The following KCNQ2 variants were observed in gnomAD, a reference collection of about 807,000 sequenced individuals.
KCNQ2 encodes potassium voltage-gated channel subfamily Q member 2.
KCNQ2 carries 14 observed loss-of-function variants against 84.8 expected under a neutral mutation model. The ratio of observed to expected loss-of-function variants is 0.17; its 90% CI spans 0.11 to 0.26. The LOEUF (loss-of-function observed/expected upper bound fraction) is 0.26, where lower values mean the gene tolerates loss of function less well. KCNQ2 is among the 10% of genes least tolerant of loss of function. The probability of loss-of-function intolerance (pLI) is 1.00; values close to 1 mark genes in which losing one functional copy is unlikely to be tolerated. For missense variants in KCNQ2, 788 were observed against 1,254.0 expected, an observed-to-expected ratio of 0.63 and a Z score of 5.61; for synonymous variants, 599 against 554.1, an observed-to-expected ratio of 1.08 and a Z score of -1.14.
At chr20:63,424,034 G>A (rs2080553826) in intron 11 of KCNQ2, 143 bp downstream of exon 11, 2 of 869,608 alleles carry the variant, frequency 2.3e-6, no homozygotes, top group South Asian at 1.6e-5. Context: ...CCAGGCGGGG[G>A]TCTGGACCCG....
At chr20:63,432,828 T>TGGGAAGGCCCC (rs2080866394) in intron 8 of KCNQ2, among the ~76,000 whole-genome samples, 1 of 48,500 alleles carries the variant, frequency 2.1e-5, no homozygotes, top group Non-Finnish European at 5.7e-5. Flanking sequence ...CTCCACCCTC[T>TGGGAAGGCCCC]GGGAAGGCCC....
chr20:63,453,508 TTTTCTCTGAACTCTCAGCGGGG>T, intron 1 of KCNQ2, among the ~76,000 whole-genome samples: 1 of 151,998 alleles, frequency 6.6e-6, no homozygotes, highest in Non-Finnish European at 1.5e-5. Flanking sequence ...CCTAACGGGG[TTTTCTCTGAACTCTCAGCGGGG>T]TAGGAGCAGG....
intron 1 of KCNQ2, among the ~76,000 whole-genome samples, chr20:63,458,742 G>T (rs1323363319): frequency 1.8e-4 from 28 of 152,230 alleles, no homozygotes; most frequent in Admixed American, 1.8e-3. Flanking sequence ...CCAGGCAGGC[G>T]GCAGCCAAGA....
intron 1 of KCNQ2, among the ~76,000 whole-genome samples, chr20:63,468,115 C>T (rs1158873470): frequency 5.9e-5 from 9 of 152,300 alleles, no homozygotes; most frequent in African/African-American, 2.2e-4. Flanking sequence ...GGGCAGAAAT[C>T]CTGCGAGGAA....
At chr20:63,447,219 T>G (rs1052486906) in intron 1 of KCNQ2, among the ~76,000 whole-genome samples, 1 of 152,052 alleles carries the variant, frequency 6.6e-6, no homozygotes, top group African/African-American at 2.4e-5. Context: ...GCCCATCAAC[T>G]GCTACAAACA....
At chr20:63,442,975 CATCACCACCATT>C (rs2081258590) in intron 4 of KCNQ2, among the ~76,000 whole-genome samples, 2 of 61,814 alleles carry the variant, frequency 3.2e-5, no homozygotes, top group African/African-American at 1.3e-4. Context: ...CCACCACCAC[CATCACCACCATT>C]ACCATCACCA....
intron 4 of KCNQ2, among the ~76,000 whole-genome samples, 176 bp from the exon 5 acceptor site, chr20:63,442,707 TCACCACCACCACCAC>T (rs749330439): frequency 1.1e-4 from 4 of 35,378 alleles, no homozygotes; most frequent in Admixed American, 3.0e-4. Context: ...ACCATCACCA[TCACCACCACCACCAC>T]CATCATCACC....
chr20:63,465,911 G>A (rs6011842), intron 1 of KCNQ2, among the ~76,000 whole-genome samples: 1,747 of 152,310 alleles, frequency 0.011, 30 homozygotes, highest in African/African-American at 0.039. Context: ...GGCGCGTGTC[G>A]GTGCTGAGGC....
intron 14 of KCNQ2, 150 bp downstream of exon 14, chr20:63,413,938 G>C: frequency 3.0e-6 from 2 of 677,652 alleles, no homozygotes; most frequent in Non-Finnish European, 5.3e-6. Context: ...CATTCAGCCA[G>C]GTCCACCCGT....
chr20:63,469,523 C>T (rs2145907448), intron 1 of KCNQ2, among the ~76,000 whole-genome samples: 1 of 152,380 alleles, frequency 6.6e-6, no homozygotes, highest in Middle Eastern at 3.4e-3. Flanking sequence ...GGGCAGCAGC[C>T]ACCGCCCTCT....
rs1461393525 is a variant in KCNQ2, at chr20:63,437,961, C to T, written c.1023+664G>A. On this transcript the variant is annotated intron_variant, in intron 7 of 16. Coordinates refer to ENST00000359125, the MANE Select transcript of KCNQ2 (RefSeq NM_172107.4). ...AGTAGCTGGGATTACAGACGCACGC[C>T]ACCACGCCCAGCTAATTTTTGTATT... Among the ~76,000 whole-genome samples, 6 of 152,318 alleles carry T rather than the reference C, an allele frequency of 3.9e-5. No individual in the cohort carries two copies. In the East Asian group the frequency reaches 1.2e-3, roughly 29 times the overall value.
chr20:63,432,333 T>G (rs1395914572), intron 8 of KCNQ2, among the ~76,000 whole-genome samples: 1 of 95,456 alleles, frequency 1.0e-5, no homozygotes, highest in Non-Finnish European at 2.1e-5. Context: ...CTGGGAAGGC[T>G]CCACCCTCAG....
At chr20:63,415,158 A>C (rs58064005) in intron 12 of KCNQ2, 32 bp from the exon 13 acceptor site, 18 of 367,842 alleles carry the variant, frequency 4.9e-5, no homozygotes, top group Non-Finnish European at 5.8e-5. Context: ...GACAGACAGA[A>C]AAACAGGGAG....
intron 12 of KCNQ2, among the ~76,000 whole-genome samples, chr20:63,417,658 C>T (rs535253257): frequency 9.8e-5 from 15 of 152,380 alleles, no homozygotes; most frequent in Middle Eastern, 3.4e-3. Context: ...GCCACACAGA[C>T]GTGCGGGCCA....
chr20:63,438,596 G>T lies in KCNQ2; in HGVS notation c.1023+29C>A. 1 of 1,581,218 alleles carries T rather than the reference G, an allele frequency of 6.3e-7. No individual in the cohort carries two copies. On this transcript the variant is annotated intron_variant, in intron 7 of 16. Coordinates refer to ENST00000359125, the MANE Select transcript of KCNQ2 (RefSeq NM_172107.4). This position sits in a 1 kb window ranked among gnomAD's most constrained non-coding sequence, Gnocchi z 5.1. The stretch of plus-strand genomic sequence containing the variant: ...AAGGTGGGACCAGGACAAGGGCTGT[G>T]CTGGTCCCCGGGGGACACCTGGACT...
chr20:63,413,214 C>T, intron 15 of KCNQ2: 1 of 567,480 alleles, frequency 1.8e-6, no homozygotes, highest in South Asian at 2.0e-5. Flanking sequence ...GGGACCCACA[C>T]ACACAGGTGC....
rs6090423 is a variant in KCNQ2, at chr20:63,464,063, A to G, written c.296+8105T>C. Reference sequence around the variant, plus strand: ...ATTCCCAGCAACCCAAAAAAATGAAAGACCTAATTTTGTTCAAGCTGGGTA... The same window carrying G: ...ATTCCCAGCAACCCAAAAAAATGAAGGACCTAATTTTGTTCAAGCTGGGTA... On this transcript the variant is annotated intron_variant, in intron 1 of 16. Coordinates refer to ENST00000359125, the MANE Select transcript of KCNQ2 (RefSeq NM_172107.4). Among the ~76,000 whole-genome samples, 331 of 152,208 alleles carry G rather than the reference A, an allele frequency of 2.2e-3. 1 individual carries two copies. Among genetic ancestry groups the G allele is most frequent in the African/African-American group, 7.7e-3 (318 of 41,512 alleles).
intron 1 of KCNQ2, 31 bp downstream of exon 1, chr20:63,472,137 G>A: frequency 6.9e-7 from 1 of 1,452,604 alleles, no homozygotes; most frequent in South Asian, 1.4e-5. Context: ...TCGCCATGGG[G>A]GTCGCCACGG....
chr20:63,437,141 G>C (rs976784612), intron 7 of KCNQ2, among the ~76,000 whole-genome samples: 1 of 152,126 alleles, frequency 6.6e-6, no homozygotes, highest in Non-Finnish European at 1.5e-5. Context: ...CTTTATTGCC[G>C]TATCTCTACC....
Sources: gnomAD v4.1 joint callset for allele counts (sites outside exome capture counted in the v4.1 genomes callset) on GRCh38, gnomAD v4.1.1 for gene constraint, Gnocchi (gnomAD v3.1) non-coding constraint, MANE v1.5 for transcripts, NCBI Gene and HGNC (gene_info 2026-07-23, HGNC 2026-07-21) for gene names.